Variants in SEMA5A observed in about 807,000 individuals in gnomAD.
SEMA5A encodes the protein semaphorin 5A, also known as semaphorin-5A.
SEMA5A carries 55 observed loss-of-function variants against 135.5 expected under a neutral mutation model. The observed-to-expected ratio is 0.41, with a 90% CI of 0.33 to 0.51. The LOEUF is 0.51. SEMA5A is among the 20% of genes least tolerant of loss of function. The pLI, the probability that SEMA5A is intolerant of heterozygous loss-of-function variation, is 0.37. For missense variants in SEMA5A, 1,290 were observed against 1,419.9 expected (o/e 0.91, Z 1.47); for synonymous variants, 580 against 546.5 (o/e 1.06, Z -0.85).
rs1736601019 is a variant in SEMA5A, at chr5:9,051,923, C to T, written c.2795G>A (p.Gly932Glu). 4 of 1,614,022 alleles carry T rather than the reference C, an allele frequency of 2.5e-6. No individual in the cohort carries two copies. Among genetic ancestry groups the T allele is most frequent in the Admixed American group, 1.7e-5 (1 of 60,000 alleles). The change falls in exon 20 of 23, where the codon GGG becomes GAG. Residue 932 changes from glycine to glutamate, a missense_variant. Gly to Glu is a moderately conservative substitution (Grantham distance 98). This residue lies in a region of SEMA5A where 1,029 missense variants were observed against 1,086.6 expected (regional missense o/e 0.95). Transcript: ENST00000382496. The stretch of plus-strand genomic sequence containing the variant: ...ACACGGCCGGCTCTCCGTGGTGTTC[C>T]CGGAGCACTGGCTGCCCATGGGGAA... The part of the protein sequence containing the change: ...LLFPMGSQCS[G>E]NTTESRPCVF...
At chr5:9,533,295 C>G (rs1049809984) in intron 1 of SEMA5A, among the ~76,000 whole-genome samples, 2 of 152,126 alleles carry the variant, frequency 1.3e-5, no homozygotes, top group Non-Finnish European at 2.9e-5. Context: ...CTCCTAGTTA[C>G]AACATTGGCT....
intron 11 of SEMA5A, among the ~76,000 whole-genome samples, chr5:9,161,671 T>C (rs1242656559): frequency 6.6e-6 from 1 of 152,232 alleles, no homozygotes; most frequent in Non-Finnish European, 1.5e-5. Context: ...AGGGGTGTCC[T>C]GGTGCTGCTC....
In SEMA5A at chr5:9,385,950, C is replaced by T. The variant is rs1739708535; in HGVS notation, c.-77-5927G>A. Among the ~76,000 whole-genome samples, 4 of 151,786 alleles carry T rather than the reference C, an allele frequency of 2.6e-5. No individual in the cohort carries two copies. In the South Asian group the frequency reaches 8.3e-4, roughly 32 times the overall value. On this transcript the variant is annotated intron_variant, in intron 2 of 22. Coordinates refer to ENST00000382496, the MANE Select transcript of SEMA5A (RefSeq NM_003966.3). Reference sequence around the variant, plus strand: ...TTGAGTAGCTGGGATTACAGGCACACACCACCACACCTGGCTAATTTTTGT... The same window carrying T: ...TTGAGTAGCTGGGATTACAGGCACATACCACCACACCTGGCTAATTTTTGT...
At chr5:9,171,722 G>A (rs1743933260) in intron 11 of SEMA5A, among the ~76,000 whole-genome samples, 1 of 152,104 alleles carries the variant, frequency 6.6e-6, no homozygotes, top group South Asian at 2.1e-4. Flanking sequence ...GAGGGAGCCG[G>A]GTTCCAACAC....
At chr5:9,302,736 G>A (rs999101729) in intron 5 of SEMA5A, among the ~76,000 whole-genome samples, 5 of 152,174 alleles carry the variant, frequency 3.3e-5, no homozygotes, top group Non-Finnish European at 7.3e-5. Context: ...TAGCAGAGTA[G>A]GGAACTCTGC....
intron 11 of SEMA5A, among the ~76,000 whole-genome samples, chr5:9,171,115 T>C (rs1743897922): frequency 6.6e-6 from 1 of 152,222 alleles, no homozygotes; most frequent in South Asian, 2.1e-4. Flanking sequence ...TACACCTCCA[T>C]CAATCCTTCC....
intron 17 of SEMA5A, 45 bp from the exon 18 acceptor site, chr5:9,063,150 AG>A: frequency 6.5e-7 from 1 of 1,531,126 alleles, no homozygotes; most frequent in Non-Finnish European, 8.9e-7. Context: ...CAAGTTTCAG[AG>A]GAACTACAGT....
chr5:9,061,333 T>C (rs193276135), intron 18 of SEMA5A, among the ~76,000 whole-genome samples: 6 of 152,290 alleles, frequency 3.9e-5, no homozygotes, highest in Non-Finnish European at 5.9e-5. Flanking sequence ...TGTTTCCTCA[T>C]TATTAAAAAA....
intron 1 of SEMA5A, among the ~76,000 whole-genome samples, chr5:9,527,844 C>G (rs1481581451): frequency 6.6e-6 from 1 of 152,160 alleles, no homozygotes; most frequent in Non-Finnish European, 1.5e-5. Context: ...AGCCTGCAAC[C>G]TGGATCCAAA....
At chr5:9,225,799 C>T (rs116496920) in intron 7 of SEMA5A, among the ~76,000 whole-genome samples, 288 of 152,104 alleles carry the variant, frequency 1.9e-3, no homozygotes, top group African/African-American at 6.5e-3. Context: ...CCCAACCAGC[C>T]ATTGAATGAG....
intron 4 of SEMA5A, among the ~76,000 whole-genome samples, chr5:9,332,596 G>T (rs538099198): frequency 6.6e-6 from 1 of 151,178 alleles, no homozygotes; most frequent in Admixed American, 6.6e-5. Context: ...GGTGTGCAAC[G>T]TGTGAAGTTG....
chr5:9,471,599 C>G (rs560603199), intron 1 of SEMA5A, among the ~76,000 whole-genome samples: 3 of 152,098 alleles, frequency 2.0e-5, no homozygotes, highest in South Asian at 2.1e-4. Flanking sequence ...GTAACCCGTC[C>G]GATTAGAAAC....
At chr5:9,455,312 G>A (rs1359274460) in intron 1 of SEMA5A, among the ~76,000 whole-genome samples, 1 of 151,426 alleles carries the variant, frequency 6.6e-6, no homozygotes, top group African/African-American at 2.4e-5. Flanking sequence ...CTGGAGTGCA[G>A]TGGCCTGATC....
In SEMA5A at chr5:9,154,623, T is replaced by A. The variant is rs1742854078; in HGVS notation, c.1346A>T (p.Glu449Val). Residue 449 changes from glutamate to valine, a missense_variant, in exon 12 of 23, where the codon GAG becomes GTG. Around this residue, in one of 3 missense-constraint regions of SEMA5A, gnomAD observed 1,029 missense variants for 1,086.6 expected, o/e 0.95. Transcript: ENST00000382496. Reference sequence around the variant, plus strand: ...CTCCCTCCGCCTCTCAGGGAAGAGCTCAATCTCTTCCAGCAAACAGCTGCT... The same window carrying A: ...CTCCCTCCGCCTCTCAGGGAAGAGCACAATCTCTTCCAGCAAACAGCTGCT... ...TSSSCLLEEI[E>V]LFPERRREPI... The A allele has an allele frequency of 6.2e-7, 1 of 1,613,960 alleles. No homozygotes were observed. Among genetic ancestry groups the A allele is most frequent in the Admixed American group, 1.7e-5 (1 of 59,988 alleles).
At chr5:9,404,469 C>T (rs901483949) in intron 2 of SEMA5A, among the ~76,000 whole-genome samples, 10 of 152,322 alleles carry the variant, frequency 6.6e-5, no homozygotes, top group African/African-American at 2.4e-4. Flanking sequence ...GCACCCATAT[C>T]GCAGCCTGGG....
chr5:9,155,376 T>C (rs1449011237), intron 11 of SEMA5A, among the ~76,000 whole-genome samples: 1 of 151,244 alleles, frequency 6.6e-6, no homozygotes, highest in South Asian at 2.1e-4. Flanking sequence ...TGTGCACTTA[T>C]TTATCTGCTT....
intron 8 of SEMA5A, among the ~76,000 whole-genome samples, chr5:9,213,848 A>G (rs906699787): frequency 7.2e-5 from 11 of 152,186 alleles, no homozygotes; most frequent in African/African-American, 2.7e-4. Flanking sequence ...GGCTAAAGCC[A>G]AGGGAGCACA....
At chr5:9,081,086 A>G (rs1561133105) in intron 16 of SEMA5A, among the ~76,000 whole-genome samples, 1 of 152,152 alleles carries the variant, frequency 6.6e-6, no homozygotes, top group Non-Finnish European at 1.5e-5. Flanking sequence ...GGCTAGGACT[A>G]AGGGCAGCCT....
At chr5:9,145,312 T>A (rs184575590) in intron 12 of SEMA5A, among the ~76,000 whole-genome samples, 103 of 152,296 alleles carry the variant, frequency 6.8e-4, no homozygotes, top group African/African-American at 2.4e-3. Context: ...GGTTGAGAAA[T>A]AAGATACAAA....
Sources: gnomAD v4.1 joint callset for allele counts (sites outside exome capture counted in the v4.1 genomes callset) on GRCh38, gnomAD v4.1.1 for gene constraint, gnomAD v4.1.1 regional missense constraint, MANE v1.5 for transcripts, NCBI Gene and HGNC (gene_info 2026-07-23, HGNC 2026-07-21) for gene names.